OR51B5: variants seen among roughly 807,000 people sequenced by gnomAD.
OR51B5 encodes olfactory receptor family 51 subfamily B member 5.
For synonymous variants in OR51B5, 186 were observed against 144.8 expected, an observed-to-expected ratio of 1.28 and a Z score of -2.04; for missense variants, 456 against 374.6, an observed-to-expected ratio of 1.22 and a Z score of -1.79.
intron 1 of OR51B5, among the ~76,000 whole-genome samples, chr11:5,457,021 A>T (rs557939407): frequency 6.6e-6 from 1 of 152,316 alleles, no homozygotes; most frequent in South Asian, 2.1e-4. Flanking sequence ...AGCCTATGCC[A>T]GCATCATGCT....
At chr11:5,345,931 C>T (rs145855373), upstream of OR51B5, 31 of 152,174 alleles carry the variant, frequency 2.0e-4, no homozygotes, top group African/African-American at 7.5e-4. Context: ...TCAGTGCCTA[C>T]TGAACATACA....
intron 1 of OR51B5, among the ~76,000 whole-genome samples, chr11:5,397,223 G>C (rs1257769927): frequency 1.3e-5 from 2 of 152,160 alleles, no homozygotes; most frequent in Non-Finnish European, 2.9e-5. Flanking sequence ...TTAAACTAAA[G>C]ATCTTCTGCA....
intron 1 of OR51B5, among the ~76,000 whole-genome samples, chr11:5,367,730 C>A (rs1849392542): frequency 6.6e-6 from 1 of 152,154 alleles, no homozygotes; most frequent in Non-Finnish European, 1.5e-5. Flanking sequence ...TTGTACCCAG[C>A]TCCTATTTAA....
At chr11:5,411,402 A>T (rs1204521480) in intron 1 of OR51B5, among the ~76,000 whole-genome samples, 2 of 152,102 alleles carry the variant, frequency 1.3e-5, no homozygotes, top group Non-Finnish European at 2.9e-5. Flanking sequence ...GTGTGAGTAC[A>T]GTATGATGTT....
chr11:5,425,416 A>G (rs184570649), intron 1 of OR51B5, among the ~76,000 whole-genome samples: 26 of 152,328 alleles, frequency 1.7e-4, no homozygotes, highest in African/African-American at 6.3e-4. Flanking sequence ...ACTTAACTAG[A>G]AATCAGATGA....
intron 1 of OR51B5, among the ~76,000 whole-genome samples, chr11:5,411,074 A>C (rs1407311850): frequency 6.6e-6 from 1 of 152,226 alleles, no homozygotes; most frequent in Non-Finnish European, 1.5e-5. Context: ...TCCAGTGTTT[A>C]TAAAGTCCAT....
chr11:5,376,089 G>C (rs1047288273), intron 1 of OR51B5, among the ~76,000 whole-genome samples: 4 of 151,890 alleles, frequency 2.6e-5, no homozygotes, highest in African/African-American at 7.3e-5. Flanking sequence ...AAATATAAAA[G>C]AACAGAAATT....
chr11:5,363,231 A>AGTC (rs756062486), intron 1 of OR51B5, among the ~76,000 whole-genome samples: 9 of 135,308 alleles, frequency 6.7e-5, no homozygotes, highest in South Asian at 2.5e-4. Flanking sequence ...CAACGAACCC[A>AGTC]ACCCCTCACA....
intron 1 of OR51B5, among the ~76,000 whole-genome samples, chr11:5,475,379 G>C (rs1851287849): frequency 1.3e-5 from 2 of 151,920 alleles, no homozygotes; most frequent in Admixed American, 1.3e-4. Flanking sequence ...TCAGTTCCTC[G>C]AAGATGCAAG....
intron 1 of OR51B5, among the ~76,000 whole-genome samples, chr11:5,414,750 T>C (rs1010807551): frequency 6.6e-6 from 1 of 152,174 alleles, no homozygotes; most frequent in African/African-American, 2.4e-5. Context: ...ATGCACCCAA[T>C]ACAGGAGCAC....
intron 1 of OR51B5, chr11:5,431,207 G>C: frequency 2.8e-6 from 1 of 357,826 alleles, no homozygotes; most frequent in Non-Finnish European, 5.5e-6. Context: ...GCTGTATAGC[G>C]CAGGAGGTTG....
At chr11:5,385,813 AAAG>A (rs1849683135) in intron 1 of OR51B5, among the ~76,000 whole-genome samples, 1 of 149,080 alleles carries the variant, frequency 6.7e-6, no homozygotes, top group South Asian at 2.1e-4. Context: ...AAAAATCTAT[AAAG>A]TATATAAAGA....
chr11:5,356,501 T>G (rs1235427119), intron 1 of OR51B5, among the ~76,000 whole-genome samples: 2 of 146,636 alleles, frequency 1.4e-5, no homozygotes, highest in Admixed American at 1.4e-4. Flanking sequence ...TATATCTGAT[T>G]GGTGTACCTG....
intron 1 of OR51B5, among the ~76,000 whole-genome samples, chr11:5,474,275 A>G (rs1237291001): frequency 6.6e-6 from 1 of 152,140 alleles, no homozygotes; most frequent in Non-Finnish European, 1.5e-5. Context: ...TTGAGAAAAG[A>G]TTTCATTTCA....
intron 1 of OR51B5, among the ~76,000 whole-genome samples, chr11:5,368,375 G>T (rs887150673): frequency 6.6e-6 from 1 of 152,098 alleles, no homozygotes; most frequent in Non-Finnish European, 1.5e-5. Context: ...GTACCCACAT[G>T]GTTGAATTAT....
At chr11:5,406,225 T>G (rs1391610) in intron 1 of OR51B5, among the ~76,000 whole-genome samples, 1 of 152,098 alleles carries the variant, frequency 6.6e-6, no homozygotes, top group Admixed American at 6.5e-5. Flanking sequence ...AATACTGAAG[T>G]TCTGTAAAGA....
intron 1 of OR51B5, among the ~76,000 whole-genome samples, chr11:5,475,979 C>A (rs1851300066): frequency 6.6e-6 from 1 of 152,166 alleles, no homozygotes; most frequent in Non-Finnish European, 1.5e-5. Context: ...AGGCTTGATT[C>A]TTTTTAGATG....
At chr11:5,357,274 G>C (rs1204424443) in intron 1 of OR51B5, among the ~76,000 whole-genome samples, 2 of 152,146 alleles carry the variant, frequency 1.3e-5, no homozygotes, top group African/African-American at 4.8e-5. Flanking sequence ...TAAAGGGATG[G>C]AGGAAGATCT....
intron 1 of OR51B5, among the ~76,000 whole-genome samples, chr11:5,375,956 C>T (rs1210610552): frequency 6.6e-6 from 1 of 152,150 alleles, no homozygotes; most frequent in South Asian, 2.1e-4. Flanking sequence ...CTGCACCAAG[C>T]AGACCTAATA....
Sources: gnomAD v4.1 joint callset for allele counts (sites outside exome capture counted in the v4.1 genomes callset) on GRCh38, gnomAD v4.1.1 for gene constraint, MANE v1.5 for transcripts, NCBI Gene and HGNC (gene_info 2026-07-23, HGNC 2026-07-21) for gene names.